The following ARFGEF3 variants were observed in gnomAD, a reference collection of about 807,000 sequenced individuals.
ARFGEF3 encodes brefeldin A-inhibited guanine nucleotide-exchange protein 3.
A neutral mutation model predicts 221.7 loss-of-function variants in ARFGEF3; 96 were observed. That is an observed-to-expected ratio of 0.43 (90% CI 0.37 to 0.51). The LOEUF (loss-of-function observed/expected upper bound fraction) is 0.51. Ranked by LOEUF, ARFGEF3 falls within the 20% of genes least tolerant of loss-of-function variation. ARFGEF3 has a pLI of 0.00. For synonymous variants in ARFGEF3, 1,145 were observed against 1,126.8 expected (o/e 1.02, Z -0.32); for missense variants, 2,410 against 2,789.9 (o/e 0.86, Z 3.07).
chr6:138,287,108 G>C lies in ARFGEF3; in HGVS notation c.2820G>C (p.Gln940His), dbSNP rs1779312088. Residue 940 changes from glutamine (Q) to histidine (H), a missense_variant, in exon 17 of 34, where the codon CAG becomes CAC. Physicochemically the swap from Gln to His is conservative, Grantham distance 24. Transcript: ENST00000251691. ...CTAACTGCGCCTCAGCCCTTGCCCAGATGGCAGCTGCCTCCTGTGTCCAAG... is the reference window on the plus strand; with the variant it reads ...CTAACTGCGCCTCAGCCCTTGCCCACATGGCAGCTGCCTCCTGTGTCCAAG... ...VAANCASALA[Q>H]MAAASCVQEE... 6.3e-7 allele frequency: 1 copy of C among 1,577,174 alleles called. No homozygotes were observed. The highest frequency in any genetic ancestry group is 1.2e-5 in the South Asian group (1 of 86,036).
At chr6:138,177,085 ATT>A (rs1329765741) in intron 2 of ARFGEF3, among the ~76,000 whole-genome samples, 2,082 of 139,072 alleles carry the variant, frequency 0.015, 31 homozygotes, top group Middle Eastern at 0.058. Flanking sequence ...TTATTTATTT[ATT>A]TATTTATTTA....
intron 2 of ARFGEF3, among the ~76,000 whole-genome samples, chr6:138,186,816 C>G (rs1562346252): frequency 6.6e-6 from 1 of 151,558 alleles, no homozygotes; most frequent in East Asian, 1.9e-4. Flanking sequence ...GGCCTGTTTC[C>G]TTAGACTCTG....
intron 5 of ARFGEF3, among the ~76,000 whole-genome samples, chr6:138,230,063 G>T (rs1438500623): frequency 6.6e-6 from 1 of 152,158 alleles, no homozygotes; most frequent in East Asian, 1.9e-4. Flanking sequence ...AGCCCTGCAT[G>T]CTTACGTTTG....
At chr6:138,176,879 A>T (rs995955994) in intron 2 of ARFGEF3, among the ~76,000 whole-genome samples, 1 of 151,968 alleles carries the variant, frequency 6.6e-6, no homozygotes, top group Non-Finnish European at 1.5e-5. Context: ...TTCTTTCTGG[A>T]TATAAAATTC....
chr6:138,297,613 TAAA>T (rs1321783014), intron 21 of ARFGEF3, among the ~76,000 whole-genome samples: 1 of 152,240 alleles, frequency 6.6e-6, no homozygotes, highest in African/African-American at 2.4e-5. Flanking sequence ...TCTTGGAACT[TAAA>T]TTACTAACCT....
Position 138,291,753 on chromosome 6 carries a change from C to T in ARFGEF3, c.3068C>T (p.Thr1023Ile). The T allele has an allele frequency of 7.0e-7, 1 of 1,431,068 alleles. No homozygotes were observed. The highest frequency in any genetic ancestry group is 9.2e-7 in the Non-Finnish European group (1 of 1,088,850). 88.6% of individuals were successfully genotyped at this position (1,431,068 alleles called of 1,614,324 possible). Residue 1023 changes from threonine to isoleucine, a missense_variant, in exon 19 of 34, where the codon ACC becomes ATC. Transcript: ENST00000251691. This position sits in a 1 kb window ranked among gnomAD's most constrained non-coding sequence, Gnocchi z 4.5. ...HVFRVCEYVGTLEHNHFSDGA... is the reference protein window; with the variant it reads ...HVFRVCEYVGILEHNHFSDGA... ...TCTAGGGTGTGTGAATACGTGGGCA[C>T]CCTGGAGCACAACCACTTCAGCGAT...
chr6:138,280,241 G>T, intron 14 of ARFGEF3, 77 bp downstream of exon 14: 1 of 1,437,356 alleles, frequency 7.0e-7, no homozygotes, highest in Non-Finnish European at 9.6e-7. Context: ...TTTCAGAGAA[G>T]TGTTGGTGCT....
intron 2 of ARFGEF3, among the ~76,000 whole-genome samples, chr6:138,197,217 G>A (rs1270387601): frequency 6.6e-6 from 1 of 152,144 alleles, no homozygotes; most frequent in Non-Finnish European, 1.5e-5. Flanking sequence ...ACAGGGTCAG[G>A]ATCATCAATG....
In ARFGEF3 at chr6:138,263,631, C is replaced by T; in HGVS notation, c.2128+20C>T. 1 of 1,568,584 alleles carries T rather than the reference C, an allele frequency of 6.4e-7. No homozygotes were observed. Among genetic ancestry groups the T allele is most frequent in the Non-Finnish European group, 8.6e-7 (1 of 1,160,006 alleles). ...GCTCAGGTTTGTAAACAATTCTCTGCTGTATAGTCAACAAGATTATTCAGA... is the reference window on the plus strand; with the variant it reads ...GCTCAGGTTTGTAAACAATTCTCTGTTGTATAGTCAACAAGATTATTCAGA... On this transcript the variant is annotated intron_variant, in intron 12 of 33. Coordinates refer to ENST00000251691, the MANE Select transcript of ARFGEF3 (RefSeq NM_020340.5).
intron 2 of ARFGEF3, among the ~76,000 whole-genome samples, chr6:138,204,142 C>T (rs1777586939): frequency 6.6e-6 from 1 of 151,516 alleles, no homozygotes; most frequent in African/African-American, 2.4e-5. Context: ...AGTTCAAGAC[C>T]AGCCTGGCCA....
intron 6 of ARFGEF3, among the ~76,000 whole-genome samples, chr6:138,241,792 G>T (rs896414942): frequency 2.0e-5 from 3 of 152,196 alleles, no homozygotes; most frequent in Non-Finnish European, 2.9e-5. Flanking sequence ...ATCCCCAGCT[G>T]CATGCCAGGA....
intron 2 of ARFGEF3, among the ~76,000 whole-genome samples, chr6:138,196,832 T>C (rs1219890125): frequency 3.3e-5 from 5 of 152,128 alleles, no homozygotes; most frequent in Non-Finnish European, 4.4e-5. Flanking sequence ...CTTTTTCTTT[T>C]TATTTATTTA....
chr6:138,240,444 C>T (rs904208038), intron 6 of ARFGEF3, among the ~76,000 whole-genome samples: 1 of 152,036 alleles, frequency 6.6e-6, no homozygotes, highest in Non-Finnish European at 1.5e-5. Flanking sequence ...TATTAGGTTT[C>T]CAGTCAAATA....
chr6:138,176,954 C>T (rs959705907), intron 2 of ARFGEF3, among the ~76,000 whole-genome samples: 1 of 151,870 alleles, frequency 6.6e-6, no homozygotes, highest in Non-Finnish European at 1.5e-5. Flanking sequence ...TTTCTTCTAT[C>T]TAAGAGGTTT....
chr6:138,304,153 ATAT>A (rs1779677976), intron 22 of ARFGEF3, among the ~76,000 whole-genome samples: 1 of 152,234 alleles, frequency 6.6e-6, no homozygotes, highest in South Asian at 2.1e-4. Flanking sequence ...ACAGAATGAA[ATAT>A]TATTCTGCAA....
intron 2 of ARFGEF3, among the ~76,000 whole-genome samples, chr6:138,190,123 G>T (rs1349118448): frequency 1.4e-5 from 2 of 139,162 alleles, no homozygotes; most frequent in Non-Finnish European, 3.2e-5. Flanking sequence ...AGAGTAGCAT[G>T]CCATCATGAT....
chr6:138,321,254 A>G (rs1352357730), intron 29 of ARFGEF3, 29 bp downstream of exon 29: 3 of 1,183,226 alleles, frequency 2.5e-6, no homozygotes, highest in Non-Finnish European at 3.6e-6. Context: ...GACTCTCCAC[A>G]AAGCTGGAGT....
chr6:138,244,279 A>G (rs1392619339), intron 7 of ARFGEF3, among the ~76,000 whole-genome samples: 1 of 152,132 alleles, frequency 6.6e-6, no homozygotes, highest in African/African-American at 2.4e-5. Context: ...TTTCTCTCTT[A>G]CACATTTGCC....
intron 5 of ARFGEF3, 107 bp from the exon 6 acceptor site, chr6:138,238,402 C>T: frequency 8.4e-7 from 1 of 1,191,024 alleles, no homozygotes; most frequent in Non-Finnish European, 1.2e-6. Context: ...ATCAGGCTGA[C>T]TTTCTGTTTA....
Sources: gnomAD v4.1 joint callset for allele counts (sites outside exome capture counted in the v4.1 genomes callset) on GRCh38, gnomAD v4.1.1 for gene constraint, Gnocchi (gnomAD v3.1) non-coding constraint, MANE v1.5 for transcripts, NCBI Gene and HGNC (gene_info 2026-07-23, HGNC 2026-07-21) for gene names.